OR3A1: variants seen among roughly 807,000 people sequenced by gnomAD.
OR3A1 encodes the protein olfactory receptor 3A1.
For missense variants in OR3A1, 402 were observed against 393.8 expected (o/e 1.02, Z -0.18); for synonymous variants, 145 against 160.0 (o/e 0.91, Z 0.71).
chr17:3,292,868 T>G (rs1309998392), intron 1 of OR3A1, among the ~76,000 whole-genome samples: 1 of 152,114 alleles, frequency 6.6e-6, no homozygotes, highest in Admixed American at 6.5e-5. Flanking sequence ...TTGTAAAGAT[T>G]ATGAAAGACA....
chr17:3,292,143 A>G lies in OR3A1; in HGVS notation c.440T>C (p.Leu147Ser). ...AGCACAAGCCCAGGACGCAGCCACC[A>G]ACATCCTCTGGACTGTCTGACTCAT... is the stretch of plus-strand genomic sequence containing the variant. ...TRMSQTVQRM[L>S]VAASWACAFT... The change falls in exon 2 of 2, where the codon TTG becomes TCG. Residue 147 changes from leucine (L) to serine (S), a missense_variant. Physicochemically the swap from Leu to Ser is moderately radical, Grantham distance 145. Transcript: ENST00000323404. The G allele has an allele frequency of 6.2e-7, 1 of 1,614,174 alleles. No homozygotes were observed. Among genetic ancestry groups the G allele is most frequent in the Non-Finnish European group, 8.5e-7 (1 of 1,180,030 alleles).
chr17:3,297,361 A>G (rs1291916025), intron 1 of OR3A1, among the ~76,000 whole-genome samples: 2 of 152,120 alleles, frequency 1.3e-5, no homozygotes, highest in Non-Finnish European at 2.9e-5. Context: ...TTTCCCATCC[A>G]CTTTAACTCA....
In OR3A1 at chr17:3,292,604, CAGGG is replaced by C; in HGVS notation, c.-6-20_-6-17del. ...GCATGAGTTCCTGCAAAGAAACATC[CAGGG>C]AGGAAAAGAATCACTCCTCCCAATA... On this transcript the variant is annotated splice_polypyrimidine_tract_variant and intron_variant, in intron 1 of 1. Transcript: ENST00000323404. 6.4e-7 allele frequency: 1 copy of C among 1,557,278 alleles called. No homozygotes were observed. Among genetic ancestry groups the C allele is most frequent in the Middle Eastern group, 1.8e-4 (1 of 5,666 alleles).
intron 1 of OR3A1, among the ~76,000 whole-genome samples, chr17:3,295,754 C>T (rs962795336): frequency 6.6e-6 from 1 of 151,174 alleles, no homozygotes; most frequent in African/African-American, 2.4e-5. Flanking sequence ...CAGATGTAAA[C>T]GAAAATAAAG....
At chr17:3,294,432 C>T (rs1052294824) in intron 1 of OR3A1, among the ~76,000 whole-genome samples, 2 of 151,888 alleles carry the variant, frequency 1.3e-5, no homozygotes, top group African/African-American at 4.8e-5. Flanking sequence ...GAGAAAATGA[C>T]AGATATGAGA....
At chr17:3,293,490 C>G (rs1475401515) in intron 1 of OR3A1, among the ~76,000 whole-genome samples, 2 of 152,084 alleles carry the variant, frequency 1.3e-5, no homozygotes, top group African/African-American at 4.8e-5. Context: ...ATGTCTTAGA[C>G]TTGCAAGATA....
chr17:3,292,400 G>A lies in OR3A1; in HGVS notation c.183C>T (p.Pro61=), dbSNP rs1254046042. The stretch of plus-strand genomic sequence containing the variant: ...ATAGGTTCCCCAGGAAGAAGTACAT[G>A]GGGGTGTGGAGTTTGGGCTCCACCA... The part of the protein sequence containing the change: ...AVLVEPKLHT[P]MYFFLGNLSV... Residue 61 remains proline, a synonymous_variant, in exon 2 of 2, where the codon CCC becomes CCT. Coordinates refer to ENST00000323404, the MANE Select transcript of OR3A1 (RefSeq NM_002550.3). 1 of 1,614,084 alleles carries A rather than the reference G, an allele frequency of 6.2e-7. No homozygotes were observed. Among genetic ancestry groups the A allele is most frequent in the South Asian group, 1.1e-5 (1 of 91,052 alleles).
Position 3,291,469 on chromosome 17 carries a change from T to C in OR3A1, c.*166A>G, listed in dbSNP as rs890568452. On this transcript the variant is annotated 3_prime_UTR_variant, in exon 2 of 2. Transcript: ENST00000323404. ...GATCCTATACACTCATTGCTTATAA[T>C]TGGACAGGGCTGCTTTCAGAAATGA... The C allele has an allele frequency of 6.9e-6, 4 of 579,732 alleles. No homozygotes were observed. The highest frequency in any genetic ancestry group is 3.7e-5 in the African/African-American group (2 of 53,822). The allele number at this position is 579,732 out of a possible 1,614,324, so 35.9% of individuals were successfully genotyped here.
At chr17:3,295,465 AT>A (rs1194204483) in intron 1 of OR3A1, among the ~76,000 whole-genome samples, 1 of 152,110 alleles carries the variant, frequency 6.6e-6, no homozygotes, top group Non-Finnish European at 1.5e-5. Context: ...CTAGAAAAAA[AT>A]CTTCTAAAAT....
chr17:3,297,621 T>C (rs2048930065), intron 1 of OR3A1, among the ~76,000 whole-genome samples: 1 of 151,820 alleles, frequency 6.6e-6, no homozygotes, highest in East Asian at 1.9e-4. Flanking sequence ...CATTTCTCTA[T>C]AGAGCACACC....
intron 1 of OR3A1, among the ~76,000 whole-genome samples, chr17:3,293,757 C>G (rs1597323438): frequency 1.3e-5 from 2 of 152,172 alleles, no homozygotes; most frequent in Admixed American, 1.3e-4. Context: ...ACATATACAC[C>G]ACGGAATACT....
At position 3,291,709 on chromosome 17, in the gene OR3A1, T is replaced by C. The variant is rs2048869149; in HGVS notation, c.874A>G (p.Ile292Val). Residue 292 changes from isoleucine to valine, a missense_variant, in exon 2 of 2, where the codon ATC becomes GTC. Coordinates refer to ENST00000323404, the MANE Select transcript of OR3A1 (RefSeq NM_002550.3). ...TVINPMLNPIIYSFRNPDVQS... is the reference protein window; with the variant it reads ...TVINPMLNPIVYSFRNPDVQS... ...ACATCAGGGTTTCTGAAGCTGTAGA[T>C]GATTGGGTTCAGCATGGGATTGATG... The C allele has an allele frequency of 6.2e-7, 1 of 1,612,814 alleles. No individual in the cohort carries two copies. The highest frequency in any genetic ancestry group is 1.3e-5 in the African/African-American group (1 of 74,918).
chr17:3,295,496 C>T (rs775353005), intron 1 of OR3A1, among the ~76,000 whole-genome samples: 36 of 151,968 alleles, frequency 2.4e-4, no homozygotes, highest in Non-Finnish European at 5.0e-4. Context: ...AGGATGCATA[C>T]AAAACAAAGA....
intron 1 of OR3A1, among the ~76,000 whole-genome samples, chr17:3,294,109 T>TA (rs1191112300): frequency 6.6e-6 from 1 of 151,598 alleles, no homozygotes; most frequent in African/African-American, 2.4e-5. Context: ...CCCCAGAACT[T>TA]AAAAAAATAA....
In OR3A1 at chr17:3,292,273, G is replaced by A. The variant is rs1263974113; in HGVS notation, c.310C>T (p.Leu104Phe). 6.2e-7 allele frequency: 1 copy of A among 1,614,188 alleles called. No individual in the cohort carries two copies. Among genetic ancestry groups the A allele is most frequent in the Non-Finnish European group, 8.5e-7 (1 of 1,180,036 alleles). ...CCAACGAACAGATGGAAGAAGAAGAGCTGGGTAAGGCAGGCCCCACAGGGA... is the reference window on the plus strand; with the variant it reads ...CCAACGAACAGATGGAAGAAGAAGAACTGGGTAAGGCAGGCCCCACAGGGA... Reference protein sequence around the residue: ...AVPCGACLTQLFFFHLFVGVD... With the variant: ...AVPCGACLTQFFFFHLFVGVD... The change falls in exon 2 of 2, where the codon CTC (leucine) becomes TTC (phenylalanine). Residue 104 changes from leucine (L) to phenylalanine (F), a missense_variant. Coordinates refer to ENST00000323404, the MANE Select transcript of OR3A1 (RefSeq NM_002550.3).
Position 3,292,594 on chromosome 17 carries a change from A to C in OR3A1, c.-6-6T>G. On this transcript the variant is annotated splice_polypyrimidine_tract_variant and splice_region_variant and intron_variant, in intron 1 of 1. Transcript: ENST00000323404. ...GATTCTGGCTGCATGAGTTCCTGCAAAGAAACATCCAGGGAGGAAAAGAAT... is the reference window on the plus strand; with the variant it reads ...GATTCTGGCTGCATGAGTTCCTGCACAGAAACATCCAGGGAGGAAAAGAAT... 1 of 1,582,386 alleles carries C rather than the reference A, an allele frequency of 6.3e-7. No individual in the cohort carries two copies.
At chr17:3,292,756 G>T (rs1193742002) in intron 1 of OR3A1, among the ~76,000 whole-genome samples, 168 bp from the exon 2 acceptor site, 4 of 151,982 alleles carry the variant, frequency 2.6e-5, no homozygotes, top group Non-Finnish European at 5.9e-5. Context: ...TTACTCTGTC[G>T]CTACATTTAC....
rs761970734 is a variant in OR3A1, at chr17:3,292,251, A to G, written c.332T>C (p.Val111Ala). ...LTQLFFFHLF[V>A]GVDCFLLTAM... ...GGTCAGCAGGAAGCAGTCCACTCCA[A>G]CGAACAGATGGAAGAAGAAGAGCTG... is the stretch of plus-strand genomic sequence containing the variant. The change falls in exon 2 of 2, where the codon GTT becomes GCT. Residue 111 changes from valine to alanine, a missense_variant. By Grantham distance (64) the Val-to-Ala change is moderately conservative. Coordinates refer to ENST00000323404, the MANE Select transcript of OR3A1 (RefSeq NM_002550.3). 2.3e-5 allele frequency: 37 copies of G among 1,614,156 alleles called. No homozygotes were observed. In the Admixed American group the frequency reaches 4.3e-4, roughly 19 times the overall value.
intron 1 of OR3A1, among the ~76,000 whole-genome samples, chr17:3,293,940 A>G (rs1335031598): frequency 6.6e-6 from 1 of 152,088 alleles, no homozygotes; most frequent in Non-Finnish European, 1.5e-5. Flanking sequence ...GAAACAACAC[A>G]CACTGGGGCC....
Sources: gnomAD v4.1 joint callset for allele counts (sites outside exome capture counted in the v4.1 genomes callset) on GRCh38, gnomAD v4.1.1 for gene constraint, MANE v1.5 for transcripts, NCBI Gene and HGNC (gene_info 2026-07-23, HGNC 2026-07-21) for gene names.